The following NAB2 variants were observed in gnomAD, a reference collection of about 807,000 sequenced individuals.
NAB2 encodes NGFI-A-binding protein 2.
A neutral mutation model predicts 44.2 loss-of-function variants in NAB2; 9 were observed. The ratio of observed to expected loss-of-function variants is 0.20; its 90% confidence interval spans 0.12 to 0.36. The LOEUF (loss-of-function observed/expected upper bound fraction) is 0.36. Among genes scored for constraint, NAB2 ranks in the 10% least tolerant of loss-of-function variants. The pLI, the probability that NAB2 is intolerant of heterozygous loss-of-function variation, is 1.00. For synonymous variants in NAB2, 342 were observed against 291.0 expected (o/e 1.18, Z -1.78); for missense variants, 514 against 709.0 (o/e 0.73, Z 3.12).
At chr12:57,092,706 CAA>C (rs1565673658) in intron 3 of NAB2, 125 bp downstream of exon 3, 1 of 1,393,136 alleles carries the variant, frequency 7.2e-7, no homozygotes. Context: ...TGCTTTTGGC[CAA>C]GTCAGCTTGT....
rs1471913257 is a variant in NAB2, at chr12:57,091,682, G to A, written c.641G>A (p.Gly214Glu). ...GSPPFSPPAGGGVPEGTGAGG... is the reference protein window; with the variant it reads ...GSPPFSPPAGEGVPEGTGAGG... ...CCCCCCTTCTCCCCCCCTGCAGGGG[G>A]AGGAGTCCCTGAGGGGACTGGGGCT... Residue 214 changes from glycine to glutamate, a missense_variant, in exon 2 of 7, where the codon GGA (glycine) becomes GAA (glutamate). Around this residue, in one of 5 missense-constraint regions of NAB2, gnomAD observed 177 missense variants for 200.5 expected, o/e 0.88. Transcript: ENST00000300131. This position sits in a 1 kb window ranked among gnomAD's most constrained non-coding sequence, Gnocchi z 7.3. 16 of 1,612,718 alleles carry A rather than the reference G, an allele frequency of 9.9e-6. No individual in the cohort carries two copies. Among genetic ancestry groups the A allele is most frequent in the Non-Finnish European group, 1.4e-5 (16 of 1,179,334 alleles).
chr12:57,089,764 C>T (rs2033140559), intron 1 of NAB2, among the ~76,000 whole-genome samples: 1 of 151,560 alleles, frequency 6.6e-6, no homozygotes, highest in Admixed American at 6.6e-5. Flanking sequence ...GTTAAAGGAG[C>T]ATCAGCGGGG....
chr12:57,092,246 G>T, intron 2 of NAB2: 1 of 1,000,976 alleles, frequency 1.0e-6, no homozygotes, highest in East Asian at 2.6e-5. Context: ...CACAGGAGAG[G>T]AGGAGGCCCC....
In NAB2 at chr12:57,091,122, C is replaced by T; in HGVS notation, c.84-3C>T. 6.6e-7 allele frequency: 1 copy of T among 1,511,514 alleles called. No homozygotes were observed. The highest frequency in any genetic ancestry group is 8.8e-7 in the Non-Finnish European group (1 of 1,130,152). The allele number at this position is 1,511,514 out of a possible 1,614,324, so 93.6% of individuals were successfully genotyped here. A position where few individuals can be genotyped will look rare whatever the true frequency, so the allele number is the denominator to read the frequency against. Reference sequence around the variant, plus strand: ...GCCTCTCTCTTGTGCCCCTCCTTCTCAGGCCCAGTGCCCGAGCCATGGCAC... The same window carrying T: ...GCCTCTCTCTTGTGCCCCTCCTTCTTAGGCCCAGTGCCCGAGCCATGGCAC... On this transcript the variant is annotated splice_polypyrimidine_tract_variant and splice_region_variant and intron_variant, in intron 1 of 6. Coordinates refer to ENST00000300131, the MANE Select transcript of NAB2 (RefSeq NM_005967.4). This position sits in a 1 kb window ranked among gnomAD's most constrained non-coding sequence, Gnocchi z 7.3.
At position 57,091,710 on chromosome 12, in the gene NAB2, G is replaced by T. The variant is rs1244263801; in HGVS notation, c.669G>T (p.Gly223=). ...GGGVPEGTGA[G]GLAAGGTGGG... ...GAGTCCCTGAGGGGACTGGGGCTGG[G>T]GGGCTGGCAGCAGGTGGGACTGGGG... Residue 223 remains glycine, a synonymous_variant, in exon 2 of 7, where the codon GGG becomes GGT. Coordinates refer to ENST00000300131, the MANE Select transcript of NAB2 (RefSeq NM_005967.4). This position sits in a 1 kb window ranked among gnomAD's most constrained non-coding sequence, Gnocchi z 7.3. 6.2e-7 allele frequency: 1 copy of T among 1,613,788 alleles called. No homozygotes were observed. Among genetic ancestry groups the T allele is most frequent in the Non-Finnish European group, 8.5e-7 (1 of 1,179,848 alleles).
Position 57,092,314 on chromosome 12 carries a change from C to T in NAB2, c.958-134C>T, listed in dbSNP as rs2033208652. 5.7e-5 allele frequency: 76 copies of T among 1,328,336 alleles called. 1 individual carries two copies. The South Asian group carries it at 1.0e-3, about 18-fold the overall frequency. 82.3% of individuals were successfully genotyped at this position (1,328,336 alleles called of 1,614,324 possible). ...CTGTCTTCCCACCTCAGAAAGCTCC[C>T]ATGTAGTGTCAAAACCAAAGCAAGC... On this transcript the variant is annotated intron_variant, in intron 2 of 6. Coordinates refer to ENST00000300131, the MANE Select transcript of NAB2 (RefSeq NM_005967.4).
chr12:57,089,564 C>T (rs886942787), intron 1 of NAB2, among the ~76,000 whole-genome samples: 1 of 152,038 alleles, frequency 6.6e-6, no homozygotes, highest in Non-Finnish European at 1.5e-5. Flanking sequence ...AGAGTAGTAC[C>T]CAAATCTCCA....
intron 1 of NAB2, among the ~76,000 whole-genome samples, 193 bp downstream of exon 1, chr12:57,089,547 A>G (rs969035521): frequency 1.3e-5 from 2 of 152,086 alleles, no homozygotes; most frequent in African/African-American, 4.8e-5. Context: ...ATGAAGCTGG[A>G]TATGAAAGAG....
rs1268962527 is a variant in NAB2, at chr12:57,093,604, G to A, written c.1468+6G>A. ...TGCGAAGCCACCTCTCGCAGGTGAG[G>A]CAGCCAGCAGTGCTGTCCCCAAGCA... On this transcript the variant is annotated splice_donor_region_variant and intron_variant, in intron 6 of 6. Coordinates refer to ENST00000300131, the MANE Select transcript of NAB2 (RefSeq NM_005967.4). The A allele has an allele frequency of 7.3e-6, 11 of 1,500,734 alleles. No individual in the cohort carries two copies. Among genetic ancestry groups the A allele is most frequent in the Non-Finnish European group, 8.9e-6 (10 of 1,124,490 alleles). 93.0% of individuals were successfully genotyped at this position (1,500,734 alleles called of 1,614,324 possible). A position where few individuals can be genotyped will look rare whatever the true frequency, so the allele number is the denominator to read the frequency against.
intron 3 of NAB2, 106 bp downstream of exon 3, chr12:57,092,687 T>C: frequency 6.9e-7 from 1 of 1,448,476 alleles, no homozygotes; most frequent in Non-Finnish European, 9.3e-7. Context: ...CCCGCCCACC[T>C]GGATGTCCTG....
At position 57,093,048 on chromosome 12, in the gene NAB2, G is replaced by T. The variant is rs374293485; in HGVS notation, c.1144-15G>T. 1 of 1,613,906 alleles carries T rather than the reference G, an allele frequency of 6.2e-7. No individual in the cohort carries two copies. The highest frequency in any genetic ancestry group is 2.2e-5 in the East Asian group (1 of 44,874). On this transcript the variant is annotated splice_polypyrimidine_tract_variant and intron_variant, in intron 4 of 6. Transcript: ENST00000300131. ...CCTTGGCAGGTCTTCATTTCCCCAT[G>T]TTGGGCATCCACAGGTTGGAGAACA...
chr12:57,092,799 C>G, intron 3 of NAB2, 118 bp from the exon 4 acceptor site: 1 of 1,427,532 alleles, frequency 7.0e-7, no homozygotes. Flanking sequence ...GAGACTCTTT[C>G]TCGGCCAGCT....
At chr12:57,089,443 A>C in intron 1 of NAB2, 89 bp downstream of exon 1, 4 of 583,082 alleles carry the variant, frequency 6.9e-6, no homozygotes, top group Non-Finnish European at 7.4e-6. Flanking sequence ...CGAGGGGAGG[A>C]CGTGGGGAAG....
chr12:57,091,976 G>A lies in NAB2; in HGVS notation c.935G>A (p.Gly312Asp). ...YGRFDSKRREGKQLSLHELTI... is the reference protein window; with the variant it reads ...YGRFDSKRREDKQLSLHELTI... ...CGTTTCGACTCTAAGCGGCGGGAGG[G>A]CAAGCAGCTCAGCCTGCACGAGGTG... Residue 312 changes from glycine to aspartate, a missense_variant, in exon 2 of 7, where the codon GGC becomes GAC. Around this residue, in one of 5 missense-constraint regions of NAB2, gnomAD observed 53 missense variants for 108.5 expected, o/e 0.49. Coordinates refer to ENST00000300131, the MANE Select transcript of NAB2 (RefSeq NM_005967.4). This position sits in a 1 kb window ranked among gnomAD's most constrained non-coding sequence, Gnocchi z 7.3. 1 of 1,611,054 alleles carries A rather than the reference G, an allele frequency of 6.2e-7. No homozygotes were observed. The highest frequency in any genetic ancestry group is 8.5e-7 in the Non-Finnish European group (1 of 1,177,962).
intron 6 of NAB2, 123 bp from the exon 7 acceptor site, chr12:57,094,489 T>C: frequency 1.3e-6 from 1 of 778,996 alleles, no homozygotes. Flanking sequence ...CAGGAGGCAG[T>C]AATTCAATAA....
chr12:57,089,263 C>T lies in NAB2; in HGVS notation c.-9C>T. On this transcript the variant is annotated 5_prime_UTR_variant, in exon 1 of 7. Coordinates refer to ENST00000300131, the MANE Select transcript of NAB2 (RefSeq NM_005967.4). ...CGAGAAGGGCAGCCCGGGTGATCTC[C>T]GGCCGTCCATGCACAGAGCGCCTTC... is the stretch of plus-strand genomic sequence containing the variant. 5 of 1,568,754 alleles carry T rather than the reference C, an allele frequency of 3.2e-6. No individual in the cohort carries two copies. Among genetic ancestry groups the T allele is most frequent in the African/African-American group, 1.3e-5 (1 of 74,200 alleles).
In NAB2 at chr12:57,093,416, C is replaced by T. The variant is rs1196960902; in HGVS notation, c.1286C>T (p.Ser429Leu). The T allele has an allele frequency of 1.3e-6, 2 of 1,574,900 alleles. No homozygotes were observed. Among genetic ancestry groups the T allele is most frequent in the Admixed American group, 3.6e-5 (2 of 55,210 alleles). ...SLDGHLQAVG[S>L]CPRLTPPPAD... is the part of the protein sequence containing the mutation. ...GTGCCCATGCCCACAGCTGTGGGGT[C>T]ATGTCCAAGGCTGACGCCGCCCCCT... is the stretch of plus-strand genomic sequence containing the variant. Residue 429 changes from serine to leucine, a missense_variant, in exon 6 of 7, where the codon TCA (serine) becomes TTA (leucine). This residue lies in a region of NAB2 where 194 missense variants were observed against 223.9 expected (regional missense o/e 0.87). Coordinates refer to ENST00000300131, the MANE Select transcript of NAB2 (RefSeq NM_005967.4).
intron 1 of NAB2, 111 bp downstream of exon 1, chr12:57,089,465 TG>T: frequency 1.9e-5 from 2 of 106,190 alleles, no homozygotes. Flanking sequence ...AGGACGGGGG[TG>T]GGGGGTGGAG....
chr12:57,092,168 C>T lies in NAB2; in HGVS notation c.957+170C>T, dbSNP rs898542959. Reference sequence around the variant, plus strand: ...ACCCCAGCGGCCGCAGTGCTTCCATCCTCAGCTGAGGGGGAAGCAGAGATA... The same window carrying T: ...ACCCCAGCGGCCGCAGTGCTTCCATTCTCAGCTGAGGGGGAAGCAGAGATA... On this transcript the variant is annotated intron_variant, in intron 2 of 6. Coordinates refer to ENST00000300131, the MANE Select transcript of NAB2 (RefSeq NM_005967.4). 6 of 1,227,802 alleles carry T rather than the reference C, an allele frequency of 4.9e-6. No homozygotes were observed. The African/African-American group carries it at 6.1e-5, about 13-fold the overall frequency. 76.1% of individuals were successfully genotyped at this position (1,227,802 alleles called of 1,614,324 possible).
Sources: gnomAD v4.1 joint callset for allele counts (sites outside exome capture counted in the v4.1 genomes callset) on GRCh38, gnomAD v4.1.1 for gene constraint, gnomAD v4.1.1 regional missense constraint, Gnocchi (gnomAD v3.1) non-coding constraint, MANE v1.5 for transcripts, NCBI Gene and HGNC (gene_info 2026-07-23, HGNC 2026-07-21) for gene names.